The following TTLL4 variants were observed in gnomAD, a reference collection of about 807,000 sequenced individuals.
TTLL4 encodes tubulin monoglutamylase TTLL4.
Under a neutral mutation model 122.7 loss-of-function variants are expected in TTLL4, and 85 were observed. That is an observed-to-expected ratio of 0.69 (90% CI 0.58 to 0.83). TTLL4 has a LOEUF of 0.83. Among genes scored for constraint, TTLL4 ranks in the 40% least tolerant of loss-of-function variants. TTLL4 has a pLI of 0.00. For synonymous variants in TTLL4, 553 were observed against 563.0 expected, an observed-to-expected ratio of 0.98 and a Z score of 0.25; for missense variants, 1,363 against 1,488.6, an observed-to-expected ratio of 0.92 and a Z score of 1.39.
chr2:218,718,563 A>T (rs1249279742), intron 1 of TTLL4, among the ~76,000 whole-genome samples: 1 of 152,000 alleles, frequency 6.6e-6, no homozygotes, highest in Non-Finnish European at 1.5e-5. Context: ...TTTTTAGTAG[A>T]AATGGGGTTT....
chr2:218,757,036 T>C (rs1384953640), downstream of TTLL4, among the ~76,000 whole-genome samples: 1 of 152,200 alleles, frequency 6.6e-6, no homozygotes, highest in Non-Finnish European at 1.5e-5. Flanking sequence ...CATCTAACTT[T>C]TAAGTCTCCA....
At chr2:218,720,091 G>T (rs1321195673) in intron 1 of TTLL4, among the ~76,000 whole-genome samples, 1 of 152,182 alleles carries the variant, frequency 6.6e-6, no homozygotes, top group African/African-American at 2.4e-5. Flanking sequence ...TCAAGGAAAT[G>T]GGACGATCAG....
intron 5 of TTLL4, among the ~76,000 whole-genome samples, chr2:218,742,777 A>C (rs191562165): frequency 6.6e-6 from 1 of 152,224 alleles, no homozygotes; most frequent in East Asian, 1.9e-4. Context: ...AACATCTTGC[A>C]GAAGTACAAT....
chr2:218,746,132 G>A (rs749987340), intron 7 of TTLL4, 23 bp from the exon 8 acceptor site: 50 of 1,613,930 alleles, frequency 3.1e-5, no homozygotes, highest in Non-Finnish European at 6.8e-6. Context: ...TAGCAAGGCT[G>A]ATTCCTGATG....
At chr2:218,749,416 T>C (rs776798278) in intron 14 of TTLL4, 29 bp downstream of exon 14, 8 of 1,611,902 alleles carry the variant, frequency 5.0e-6, no homozygotes, top group Non-Finnish European at 5.9e-6. Flanking sequence ...ACACTCACCA[T>C]AGAATCCTTC....
Position 218,753,640 on chromosome 2 carries a change from C to T in TTLL4, c.3315C>T (p.Ala1105=). ...TISKDDVILN[A]FSKSETSKLG... is the part of the protein sequence containing the mutation. ...CAAAGGATGACGTGATACTCAATGC[C>T]TTCAGCAAATCAGAGACTAGCAAGC... Residue 1105 remains alanine (A), a synonymous_variant, in exon 19 of 20, where the codon GCC becomes GCT. Transcript: ENST00000392102. The T allele has an allele frequency of 6.2e-7, 1 of 1,614,176 alleles. No individual in the cohort carries two copies. The highest frequency in any genetic ancestry group is 8.5e-7 in the Non-Finnish European group (1 of 1,180,050).
At chr2:218,727,809 T>C (rs756212539) in intron 2 of TTLL4, among the ~76,000 whole-genome samples, 2 of 152,214 alleles carry the variant, frequency 1.3e-5, no homozygotes, top group Non-Finnish European at 2.9e-5. Flanking sequence ...CATGTATTAC[T>C]GCCTCATTAG....
chr2:218,750,265 G>A, intron 15 of TTLL4, 119 bp downstream of exon 15: 1 of 1,399,240 alleles, frequency 7.1e-7, no homozygotes, highest in East Asian at 2.4e-5. Context: ...GCTCAATCTT[G>A]CCCCTACAGT....
intron 15 of TTLL4, among the ~76,000 whole-genome samples, chr2:218,750,687 C>T (rs1942993155): frequency 1.3e-5 from 2 of 152,132 alleles, no homozygotes; most frequent in South Asian, 4.1e-4. Flanking sequence ...TCCTTAAGGA[C>T]CAGTTGGTCC....
At chr2:218,734,032 T>C (rs1213144705) in intron 2 of TTLL4, among the ~76,000 whole-genome samples, 1 of 152,198 alleles carries the variant, frequency 6.6e-6, no homozygotes, top group Non-Finnish European at 1.5e-5. Flanking sequence ...GTCTGGTACC[T>C]AAAGATTAAA....
intron 2 of TTLL4, among the ~76,000 whole-genome samples, chr2:218,730,165 A>T (rs559251597): frequency 6.6e-6 from 1 of 152,010 alleles, no homozygotes; most frequent in Non-Finnish European, 1.5e-5. Flanking sequence ...AATTTCTAGT[A>T]TAGGGTCTAA....
At chr2:218,711,554 C>A (rs1242882921) in intron 1 of TTLL4, among the ~76,000 whole-genome samples, 1 of 152,188 alleles carries the variant, frequency 6.6e-6, no homozygotes, top group Non-Finnish European at 1.5e-5. Context: ...TTTATTTAAT[C>A]ATTCACTAAA....
intron 15 of TTLL4, 181 bp from the exon 16 acceptor site, chr2:218,751,523 T>C (rs1010032582): frequency 2.7e-6 from 2 of 744,458 alleles, no homozygotes; most frequent in African/African-American, 3.8e-5. Context: ...TAATATTTGA[T>C]GACTCTCAGG....
Position 218,740,102 on chromosome 2 carries a change from C to T in TTLL4, c.1532C>T (p.Thr511Ile), listed in dbSNP as rs115376345. 473 of 1,614,134 alleles carry T rather than the reference C, an allele frequency of 2.9e-4. No individual in the cohort carries two copies. The East Asian group carries it at 0.01, about 34-fold the overall frequency. The change falls in exon 4 of 20, where the codon ACA (threonine) becomes ATA (isoleucine). Residue 511 changes from threonine (T) to isoleucine (I), a missense_variant. By Grantham distance (89) the Thr-to-Ile change is moderately conservative. Coordinates refer to ENST00000392102, the MANE Select transcript of TTLL4 (RefSeq NM_014640.5). The part of the protein sequence containing the change: ...LQPDQAETED[T>I]EEELVDGLED... ...CCAGATCAGGCTGAGACTGAAGATA[C>T]AGAAGAAGAACTAGTAGATGGTTTG...
intron 6 of TTLL4, 48 bp downstream of exon 6, chr2:218,745,281 G>A (rs1201643779): frequency 7.5e-6 from 12 of 1,610,712 alleles, no homozygotes; most frequent in African/African-American, 4.0e-5. Flanking sequence ...CGGGGAGAAG[G>A]TTGCTAGCTA....
intron 2 of TTLL4, among the ~76,000 whole-genome samples, chr2:218,732,702 C>T (rs1942414119): frequency 6.6e-6 from 1 of 152,148 alleles, no homozygotes; most frequent in Admixed American, 6.5e-5. Flanking sequence ...ACTTGCATTC[C>T]TGTAGGGCAG....
intron 1 of TTLL4, among the ~76,000 whole-genome samples, chr2:218,723,087 T>C (rs1029730684): frequency 2.6e-5 from 4 of 152,232 alleles, no homozygotes; most frequent in Non-Finnish European, 4.4e-5. Flanking sequence ...GATCTGTTCT[T>C]CTCTCACTTT....
chr2:218,740,287 G>A (rs1942663445), intron 4 of TTLL4, 120 bp downstream of exon 4: 1 of 1,049,694 alleles, frequency 9.5e-7, no homozygotes, highest in Non-Finnish European at 1.4e-6. Context: ...TTGCTTTGGG[G>A]GTCTTAAGTG....
intron 3 of TTLL4, 34 bp downstream of exon 3, chr2:218,739,197 A>T (rs372826280): frequency 3.2e-6 from 5 of 1,583,760 alleles, no homozygotes; most frequent in Non-Finnish European, 4.3e-6. Context: ...CATTTAGAGC[A>T]GTAGAATGTA....
Sources: allele counts gnomAD v4.1 joint callset (sites outside exome capture counted in the v4.1 genomes callset), GRCh38; gene constraint gnomAD v4.1.1; transcripts MANE v1.5; gene names NCBI Gene and HGNC (gene_info 2026-07-23, HGNC 2026-07-21).